Variants in CADPS2 observed in about 807,000 individuals in gnomAD.
CADPS2 encodes calcium dependent secretion activator 2.
In CADPS2, 93 loss-of-function variants were observed where a neutral mutation model predicts 172.5. The ratio of observed to expected loss-of-function variants is 0.54; its 90% CI spans 0.46 to 0.64. The LOEUF (loss-of-function observed/expected upper bound fraction) is 0.64, where lower values mean the gene tolerates loss of function less well. CADPS2 is among the 30% of genes least tolerant of loss of function. CADPS2 has a pLI of 0.00. For missense variants in CADPS2, 1,420 were observed against 1,565.9 expected (o/e 0.91, Z 1.57); for synonymous variants, 546 against 555.2 (o/e 0.98, Z 0.23).
intron 6 of CADPS2, among the ~76,000 whole-genome samples, chr7:122,611,542 GA>G (rs1314309156): frequency 6.6e-6 from 1 of 151,892 alleles, no homozygotes. Context: ...TGACTCAAAA[GA>G]AAGACAATGA....
intron 27 of CADPS2, among the ~76,000 whole-genome samples, chr7:122,347,043 G>A (rs1236656608): frequency 6.6e-6 from 1 of 152,174 alleles, no homozygotes; most frequent in Non-Finnish European, 1.5e-5. Context: ...CCTAATGATA[G>A]GTAGGTAGAA....
chr7:122,325,356 C>A, intron 29 of CADPS2, 121 bp downstream of exon 29: 1 of 624,406 alleles, frequency 1.6e-6, no homozygotes, highest in South Asian at 2.1e-5. Context: ...AACAGTAGCA[C>A]ATCATTGCTA....
chr7:122,526,468 C>T (rs573548633), intron 8 of CADPS2, among the ~76,000 whole-genome samples: 1 of 152,206 alleles, frequency 6.6e-6, no homozygotes, highest in Non-Finnish European at 1.5e-5. Flanking sequence ...GCTGGGAATA[C>T]AGGCATGAGC....
chr7:122,586,570 G>C (rs1319945539), intron 6 of CADPS2, among the ~76,000 whole-genome samples: 1 of 151,934 alleles, frequency 6.6e-6, no homozygotes, highest in African/African-American at 2.4e-5. Flanking sequence ...GAGTTACCCT[G>C]TTTTAATTAT....
chr7:122,886,149 C>G lies in CADPS2; in HGVS notation c.189G>C (p.Val63=), dbSNP rs1452769536. The change falls in exon 1 of 30, where the codon GTG becomes GTC. Residue 63 remains valine, a synonymous_variant. Coordinates refer to ENST00000449022, the MANE Select transcript of CADPS2 (RefSeq NM_017954.11). The part of the protein sequence containing the change: ...AARSVSPSPS[V]LSEGRDEPQR... Reference sequence around the variant, plus strand: ...GGGGCTCGTCTCGCCCCTCGCTGAGCACAGAGGGGCTCGGGCTCACAGATC... The same window carrying G: ...GGGGCTCGTCTCGCCCCTCGCTGAGGACAGAGGGGCTCGGGCTCACAGATC... 6.5e-7 allele frequency: 1 copy of G among 1,544,412 alleles called. No homozygotes were observed. Among genetic ancestry groups the G allele is most frequent in the South Asian group, 1.2e-5 (1 of 83,818 alleles).
intron 15 of CADPS2, among the ~76,000 whole-genome samples, chr7:122,445,685 T>A (rs1366141858): frequency 6.6e-6 from 1 of 152,098 alleles, no homozygotes; most frequent in African/African-American, 2.4e-5. Flanking sequence ...CATGGTGGCA[T>A]GTGCCTGTGG....
chr7:122,574,991 A>G (rs2132642891), intron 7 of CADPS2, among the ~76,000 whole-genome samples: 1 of 152,272 alleles, frequency 6.6e-6, no homozygotes, highest in East Asian at 1.9e-4. Context: ...TCACTCTGTA[A>G]CTTTTGATAA....
chr7:122,364,704 G>A (rs1377609344), intron 25 of CADPS2, among the ~76,000 whole-genome samples: 2 of 147,222 alleles, frequency 1.4e-5, no homozygotes, highest in African/African-American at 5.1e-5. Flanking sequence ...TCCAGCCTGG[G>A]CAACAGAGTG....
intron 11 of CADPS2, among the ~76,000 whole-genome samples, chr7:122,488,761 T>C (rs1467623202): frequency 6.6e-6 from 1 of 152,274 alleles, no homozygotes; most frequent in Non-Finnish European, 1.5e-5. Flanking sequence ...AATTGAATTA[T>C]AATCTGTGAC....
At chr7:122,873,632 C>A in intron 1 of CADPS2, among the ~76,000 whole-genome samples, 1 of 152,232 alleles carries the variant, frequency 6.6e-6, no homozygotes, top group African/African-American at 2.4e-5. Context: ...AGTAAACGTA[C>A]GTGTGCATGT....
At chr7:122,350,401 T>C (rs563884640) in intron 27 of CADPS2, among the ~76,000 whole-genome samples, 12 of 152,326 alleles carry the variant, frequency 7.9e-5, no homozygotes, top group African/African-American at 2.6e-4. Context: ...TCTTTAATGC[T>C]CTGGCATTTA....
intron 8 of CADPS2, among the ~76,000 whole-genome samples, chr7:122,543,716 A>G (rs923649150): frequency 2.0e-5 from 3 of 152,092 alleles, no homozygotes; most frequent in African/African-American, 4.8e-5. Context: ...ATATCAAGGG[A>G]ATTTTCATAT....
At chr7:122,874,564 G>T (rs181490341) in intron 1 of CADPS2, among the ~76,000 whole-genome samples, 1 of 152,032 alleles carries the variant, frequency 6.6e-6, no homozygotes, top group Non-Finnish European at 1.5e-5. Flanking sequence ...AAAAGAGCTC[G>T]TATAGCCAAG....
At chr7:122,664,470 G>T (rs2080966701) in intron 2 of CADPS2, among the ~76,000 whole-genome samples, 1 of 152,190 alleles carries the variant, frequency 6.6e-6, no homozygotes, top group East Asian at 1.9e-4. Context: ...ATGTTCATGA[G>T]ACAGGTAGCA....
intron 2 of CADPS2, among the ~76,000 whole-genome samples, chr7:122,695,710 C>T: frequency 6.6e-6 from 1 of 152,142 alleles, no homozygotes; most frequent in East Asian, 1.9e-4. Flanking sequence ...TCAGATCAAA[C>T]AAGCACACTG....
chr7:122,349,114 G>A (rs2038142445), intron 27 of CADPS2, among the ~76,000 whole-genome samples: 1 of 151,984 alleles, frequency 6.6e-6, no homozygotes. Context: ...TGAAGACAAT[G>A]CATATGATTG....
intron 14 of CADPS2, among the ~76,000 whole-genome samples, chr7:122,456,986 T>G (rs2053864876): frequency 6.6e-6 from 1 of 152,228 alleles, no homozygotes; most frequent in Admixed American, 6.5e-5. Flanking sequence ...TATCAATTCC[T>G]CCTGTAACAA....
chr7:122,621,230 C>T (rs967779849), intron 5 of CADPS2, among the ~76,000 whole-genome samples: 2 of 152,012 alleles, frequency 1.3e-5, no homozygotes, highest in African/African-American at 2.4e-5. Flanking sequence ...ACAATAGCCT[C>T]GCTGGCATAA....
chr7:122,336,316 G>T (rs755581483), intron 28 of CADPS2, among the ~76,000 whole-genome samples: 1 of 152,264 alleles, frequency 6.6e-6, no homozygotes, highest in South Asian at 2.1e-4. Flanking sequence ...ACAGAAAATG[G>T]CTTTAAAGCC....
Sources: allele counts gnomAD v4.1 joint callset (sites outside exome capture counted in the v4.1 genomes callset), GRCh38; gene constraint gnomAD v4.1.1; transcripts MANE v1.5; gene names NCBI Gene and HGNC (gene_info 2026-07-23, HGNC 2026-07-21).